ARL6IP6: variants seen among roughly 807,000 people sequenced by gnomAD.
ARL6IP6 encodes ARF like GTPase 6 interacting protein 6.
In ARL6IP6, 22 loss-of-function variants were observed where a neutral mutation model predicts 21.5. That is an observed-to-expected ratio of 1.02 (90% CI 0.73 to 1.46). The LOEUF is 1.46. Ranked by LOEUF, ARL6IP6 falls within the 40% of genes most tolerant of loss-of-function variation. The pLI is 0.00. For missense variants in ARL6IP6, 388 were observed against 299.8 expected, an observed-to-expected ratio of 1.29 and a Z score of -2.17; for synonymous variants, 164 against 125.3, an observed-to-expected ratio of 1.31 and a Z score of -2.06.
intron 3 of ARL6IP6, among the ~76,000 whole-genome samples, chr2:152,736,551 A>G (rs571970078): frequency 6.6e-6 from 1 of 152,260 alleles, no homozygotes; most frequent in South Asian, 2.1e-4. Flanking sequence ...ATGTCATTAG[A>G]ATGCTTCCTG....
intron 2 of ARL6IP6, 144 bp from the exon 3 acceptor site, chr2:152,734,850 C>T: frequency 1.3e-6 from 1 of 797,712 alleles, no homozygotes; most frequent in Non-Finnish European, 1.9e-6. Context: ...AGTTAGCTTG[C>T]AATAAGTTCA....
chr2:152,737,115 T>C (rs777053190), intron 3 of ARL6IP6, among the ~76,000 whole-genome samples: 5 of 152,190 alleles, frequency 3.3e-5, no homozygotes, highest in Non-Finnish European at 7.3e-5. Context: ...CAAATGACCC[T>C]ACCCTACTTT....
At chr2:152,720,105 A>G (rs1347386098) in intron 1 of ARL6IP6, 3 of 340,426 alleles carry the variant, frequency 8.8e-6, no homozygotes, top group Admixed American at 8.9e-5. Flanking sequence ...CCTTTTTTGC[A>G]ATTCTGATAG....
At chr2:152,752,024 T>C (rs1701356281) in intron 3 of ARL6IP6, among the ~76,000 whole-genome samples, 1 of 152,204 alleles carries the variant, frequency 6.6e-6, no homozygotes, top group Non-Finnish European at 1.5e-5. Flanking sequence ...TTTCAGAAAT[T>C]ATAGTCATTT....
chr2:152,740,195 C>A (rs1255012428), intron 3 of ARL6IP6, among the ~76,000 whole-genome samples: 1 of 152,150 alleles, frequency 6.6e-6, no homozygotes, highest in African/African-American at 2.4e-5. Context: ...CTCCACCTCC[C>A]AGGCTCAAGT....
intron 2 of ARL6IP6, among the ~76,000 whole-genome samples, chr2:152,722,392 G>A (rs981755447): frequency 3.9e-5 from 6 of 152,112 alleles, no homozygotes; most frequent in African/African-American, 1.4e-4. Context: ...TTGAACCAAT[G>A]GTCAGATGAG....
Position 152,759,974 on chromosome 2 carries a change from A to G in ARL6IP6, c.*134A>G. On this transcript the variant is annotated 3_prime_UTR_variant, in exon 4 of 4. Transcript: ENST00000326446. ...TGTAGTTCAGATATTTATCACAATC[A>G]TCCTCATTATGGAAGACCTTTTAAA... The G allele has an allele frequency of 1.4e-6, 1 of 690,484 alleles. No homozygotes were observed. Among genetic ancestry groups the G allele is most frequent in the South Asian group, 1.8e-5 (1 of 56,254 alleles). The allele number at this position is 690,484 out of a possible 1,614,324, so 42.8% of individuals were successfully genotyped here.
chr2:152,760,262 T>C lies in ARL6IP6; in HGVS notation c.*422T>C, dbSNP rs1030527144. 6.5e-6 allele frequency: 1 copy of C among 152,944 alleles called. No homozygotes were observed. The highest frequency in any genetic ancestry group is 1.5e-5 in the Non-Finnish European group (1 of 68,464). 9.5% of individuals were successfully genotyped at this position (152,944 alleles called of 1,614,324 possible). Reference sequence around the variant, plus strand: ...TTAGTTGAGCTAGAAATACTTCTTATTTATACATTTAGGAAAGCAAATAAT... The same window carrying C: ...TTAGTTGAGCTAGAAATACTTCTTACTTATACATTTAGGAAAGCAAATAAT... On this transcript the variant is annotated 3_prime_UTR_variant, in exon 4 of 4. Transcript: ENST00000326446.
intron 3 of ARL6IP6, among the ~76,000 whole-genome samples, chr2:152,745,947 A>G (rs1035162585): frequency 2.2e-5 from 3 of 138,834 alleles, no homozygotes; most frequent in African/African-American, 2.8e-5. Context: ...TGTATTAACT[A>G]TTGGTTTTAT....
chr2:152,733,568 G>A (rs1700422479), intron 2 of ARL6IP6, among the ~76,000 whole-genome samples: 1 of 151,966 alleles, frequency 6.6e-6, no homozygotes, highest in Non-Finnish European at 1.5e-5. Context: ...CGGCCCTGTC[G>A]TCTATTTGTA....
At chr2:152,759,724 T>C (rs367604437) in intron 3 of ARL6IP6, 23 bp from the exon 4 acceptor site, 367 of 1,589,766 alleles carry the variant, frequency 2.3e-4, no homozygotes, top group Non-Finnish European at 3.0e-4. Context: ...TCTTTTTTGA[T>C]TTGTGTTTTT....
intron 2 of ARL6IP6, among the ~76,000 whole-genome samples, chr2:152,725,728 A>G (rs949990092): frequency 1.3e-5 from 2 of 152,068 alleles, no homozygotes; most frequent in African/African-American, 4.8e-5. Context: ...TATTTACAAG[A>G]TGGATATGTT....
chr2:152,760,483 A>AT lies in ARL6IP6; in HGVS notation c.*650dup, dbSNP rs1310926795. 4 of 151,894 alleles carry AT rather than the reference A, an allele frequency of 2.6e-5. No homozygotes were observed. The highest frequency in any genetic ancestry group is 5.9e-5 in the Non-Finnish European group (4 of 67,926). 9.4% of individuals were successfully genotyped at this position (151,894 alleles called of 1,614,324 possible). ...TTACATCTAGACAACTGTAAACATT[A>AT]TTTTTTTAGCTAGTGCAAACCTAGT... On this transcript the variant is annotated 3_prime_UTR_variant, in exon 4 of 4. Transcript: ENST00000326446.
intron 1 of ARL6IP6, 152 bp from the exon 2 acceptor site, chr2:152,720,381 G>T (rs968770436): frequency 7.1e-6 from 5 of 706,994 alleles, no homozygotes; most frequent in Admixed American, 4.7e-5. Flanking sequence ...CTTGCTGAAG[G>T]TCACATAGCT....
intron 2 of ARL6IP6, among the ~76,000 whole-genome samples, chr2:152,728,182 A>G (rs59499842): frequency 0.054 from 8,210 of 152,182 alleles, 548 homozygotes; most frequent in African/African-American, 0.16. Context: ...TCATGACTGC[A>G]TTGTATTTCA....
At chr2:152,730,856 T>C (rs2346551) in intron 2 of ARL6IP6, among the ~76,000 whole-genome samples, 19,332 of 152,252 alleles carry the variant, frequency 0.13, 1,530 homozygotes, top group Middle Eastern at 0.24. Context: ...CTATACTCCC[T>C]GTGTGGTTTT....
intron 3 of ARL6IP6, among the ~76,000 whole-genome samples, chr2:152,737,793 A>G (rs974098006): frequency 6.6e-6 from 1 of 152,144 alleles, no homozygotes; most frequent in Non-Finnish European, 1.5e-5. Flanking sequence ...GGGAACTGCA[A>G]TTCAAGATGA....
upstream of ARL6IP6, chr2:152,717,721 C>A (rs1370439015): frequency 7.3e-7 from 1 of 1,362,728 alleles, no homozygotes; most frequent in African/African-American, 1.5e-5. Flanking sequence ...GAAGGGAAGA[C>A]AACAGTGTCC....
upstream of ARL6IP6, chr2:152,717,993 C>G: frequency 3.0e-6 from 3 of 997,348 alleles, no homozygotes; most frequent in Non-Finnish European, 3.6e-6. Context: ...CCGTACGCAC[C>G]AGGTGGAGAG....
Sources: gnomAD v4.1 joint callset for allele counts (sites outside exome capture counted in the v4.1 genomes callset) on GRCh38, gnomAD v4.1.1 for gene constraint, MANE v1.5 for transcripts, NCBI Gene and HGNC (gene_info 2026-07-23, HGNC 2026-07-21) for gene names.